Variants in STPG2 observed in about 807,000 individuals in gnomAD.
STPG2 encodes the protein sperm-tail PG-rich repeat-containing protein 2.
In STPG2, 56 loss-of-function variants were observed where a neutral mutation model predicts 54.2. That is an observed-to-expected ratio of 1.03 (90% CI 0.83 to 1.29). The LOEUF is 1.29. STPG2 is among the 50% of genes most tolerant of loss of function. The pLI, the probability that STPG2 is intolerant of heterozygous loss-of-function variation, is 0.00. For missense variants in STPG2, 596 were observed against 544.9 expected, an observed-to-expected ratio of 1.09 and a Z score of -0.93; for synonymous variants, 200 against 181.8, an observed-to-expected ratio of 1.10 and a Z score of -0.81.
chr4:98,134,307 C>T lies in STPG2; in HGVS notation c.222+40G>A, dbSNP rs1309056594. 3 of 1,242,492 alleles carry T rather than the reference C, an allele frequency of 2.4e-6. No individual in the cohort carries two copies. The African/African-American group carries it at 4.6e-5, about 19-fold the overall frequency. The allele number at this position is 1,242,492 out of a possible 1,614,324, so 77.0% of individuals were successfully genotyped here. A position where few individuals can be genotyped will look rare whatever the true frequency, so the allele number is the denominator to read the frequency against. On this transcript the variant is annotated intron_variant, in intron 2 of 10. Coordinates refer to ENST00000295268, the MANE Select transcript of STPG2 (RefSeq NM_174952.3). ...CATTTGGTCTATTCAGGGAAGAAAA[C>T]ATGGTTTTATTAAGTCAATTATAGT... is the stretch of plus-strand genomic sequence containing the variant.
At chr4:98,002,124 G>A (rs534165294) in intron 5 of STPG2, among the ~76,000 whole-genome samples, 1 of 151,936 alleles carries the variant, frequency 6.6e-6, no homozygotes, top group Non-Finnish European at 1.5e-5. Context: ...AAATTATAAT[G>A]TCCATGTTTA....
intron 3 of STPG2, among the ~76,000 whole-genome samples, chr4:98,114,816 A>C (rs2110149884): frequency 6.6e-6 from 1 of 151,692 alleles, no homozygotes; most frequent in South Asian, 2.1e-4. Flanking sequence ...CATTTCATTT[A>C]AACCACATGA....
chr4:97,848,484 T>A (rs953331644), intron 8 of STPG2, among the ~76,000 whole-genome samples: 4 of 152,098 alleles, frequency 2.6e-5, no homozygotes, highest in Non-Finnish European at 5.9e-5. Flanking sequence ...AATCTAGGGG[T>A]ATACAAGCTC....
chr4:97,559,192 C>A, intron 10 of STPG2, 75 bp from the exon 11 acceptor site: 1 of 949,670 alleles, frequency 1.1e-6, no homozygotes, highest in Non-Finnish European at 1.6e-6. Context: ...ATTATTTAAA[C>A]ATTACCAAAG....
chr4:98,126,104 C>T lies in STPG2; in HGVS notation c.387+2324G>A, dbSNP rs142688620. Among the ~76,000 whole-genome samples, 645 of 152,362 alleles carry T rather than the reference C, an allele frequency of 4.2e-3. 3 individuals are homozygous for T. The highest frequency in any genetic ancestry group is 0.025 in the South Asian group (121 of 4,830). On this transcript the variant is annotated intron_variant, in intron 3 of 10. Transcript: ENST00000295268. ...ATCTTAGGCAGTCTCCAGCCTGCTG[C>T]TGCTAGGCAGCAGAGATTCCAAGCC...
chr4:97,764,112 G>A (rs199516467), intron 9 of STPG2, among the ~76,000 whole-genome samples: 5 of 141,178 alleles, frequency 3.5e-5, no homozygotes, highest in Middle Eastern at 3.7e-3. Context: ...AACACCACAT[G>A]CACACACACA....
At chr4:97,721,274 C>T (rs558898892) in intron 9 of STPG2, among the ~76,000 whole-genome samples, 1 of 152,018 alleles carries the variant, frequency 6.6e-6, no homozygotes, top group Non-Finnish European at 1.5e-5. Flanking sequence ...CACGGAGTGA[C>T]CTCTGCTGGT....
intron 5 of STPG2, among the ~76,000 whole-genome samples, chr4:98,082,433 C>CTTTTTTTTT (rs70955915): frequency 1.4e-5 from 1 of 71,402 alleles, no homozygotes; most frequent in African/African-American, 5.2e-5. Flanking sequence ...TGCAGGTCCA[C>CTTTTTTTTT]TTTTTTTTTT....
intron 9 of STPG2, among the ~76,000 whole-genome samples, chr4:97,761,609 T>C (rs1163182535): frequency 6.6e-6 from 1 of 152,140 alleles, no homozygotes. Context: ...CAATACACCA[T>C]ATAACACATA....
At chr4:98,079,393 G>A (rs543889185) in intron 5 of STPG2, among the ~76,000 whole-genome samples, 1 of 152,268 alleles carries the variant, frequency 6.6e-6, no homozygotes, top group Admixed American at 6.5e-5. Context: ...ACAGATGTGG[G>A]TCACCCAGTA....
intron 8 of STPG2, among the ~76,000 whole-genome samples, chr4:97,843,017 C>T (rs1322797870): frequency 2.4e-4 from 37 of 151,800 alleles, no homozygotes. Context: ...CACCTATATA[C>T]CATATAGTAC....
intron 4 of STPG2, among the ~76,000 whole-genome samples, chr4:97,529,987 C>A (rs976833066): frequency 6.6e-6 from 1 of 151,518 alleles, no homozygotes; most frequent in African/African-American, 2.4e-5. Context: ...CTTTTTTCTT[C>A]CCCCTTCACT....
chr4:98,006,247 A>T (rs1392818747), intron 5 of STPG2, among the ~76,000 whole-genome samples: 1 of 152,186 alleles, frequency 6.6e-6, no homozygotes, highest in African/African-American at 2.4e-5. Flanking sequence ...GAGAACTGTG[A>T]GTAAAGTTCC....
chr4:97,577,374 A>G (rs2148888127), intron 10 of STPG2, among the ~76,000 whole-genome samples: 1 of 152,274 alleles, frequency 6.6e-6, no homozygotes, highest in African/African-American at 2.4e-5. Context: ...GACAAATAAA[A>G]TGTGTTACAT....
At chr4:97,871,844 A>G (rs1392848404) in intron 8 of STPG2, among the ~76,000 whole-genome samples, 1 of 151,162 alleles carries the variant, frequency 6.6e-6, no homozygotes, top group Non-Finnish European at 1.5e-5. Flanking sequence ...GATATGAAAA[A>G]GAAAATTATA....
At chr4:97,773,480 T>A (rs1255163168) in intron 9 of STPG2, among the ~76,000 whole-genome samples, 3 of 152,104 alleles carry the variant, frequency 2.0e-5, no homozygotes, top group Non-Finnish European at 1.5e-5. Context: ...CCTGGCTAAA[T>A]GTTTTTTCTT....
intron 4 of STPG2, among the ~76,000 whole-genome samples, chr4:97,468,119 T>C (rs892235997): frequency 2.0e-5 from 3 of 152,112 alleles, no homozygotes; most frequent in African/African-American, 7.2e-5. Context: ...AAGAAAAGCT[T>C]CTATATCTAG....
chr4:97,748,840 T>C (rs184693767), intron 9 of STPG2, among the ~76,000 whole-genome samples: 1 of 151,790 alleles, frequency 6.6e-6, no homozygotes, highest in Non-Finnish European at 1.5e-5. Context: ...TCCTGAGTTG[T>C]ACAAAAATAG....
At chr4:97,567,536 G>C (rs1732485626) in intron 10 of STPG2, among the ~76,000 whole-genome samples, 1 of 151,294 alleles carries the variant, frequency 6.6e-6, no homozygotes, top group East Asian at 1.9e-4. Context: ...AATAAGAAAA[G>C]AGATTTGCAC....
Sources: allele counts gnomAD v4.1 joint callset (sites outside exome capture counted in the v4.1 genomes callset), GRCh38; gene constraint gnomAD v4.1.1; transcripts MANE v1.5; gene names NCBI Gene and HGNC (gene_info 2026-07-23, HGNC 2026-07-21).